NCBP1: variants seen among roughly 807,000 people sequenced by gnomAD.
NCBP1 encodes the protein nuclear cap-binding protein subunit 1.
A neutral mutation model predicts 111.7 loss-of-function variants in NCBP1; 16 were observed. The ratio of observed to expected loss-of-function variants is 0.14; its 90% confidence interval spans 0.10 to 0.22. The LOEUF is 0.22. Ranked by LOEUF, NCBP1 falls within the 10% of genes least tolerant of loss-of-function variation. The pLI, the probability that NCBP1 is intolerant of heterozygous loss-of-function variation, is 1.00. For missense variants in NCBP1, 607 were observed against 957.5 expected, an observed-to-expected ratio of 0.63 and a Z score of 4.83; for synonymous variants, 304 against 314.3, an observed-to-expected ratio of 0.97 and a Z score of 0.35.
At chr9:97,649,166 C>T (rs566612339) in intron 8 of NCBP1, among the ~76,000 whole-genome samples, 2 of 152,270 alleles carry the variant, frequency 1.3e-5, no homozygotes, top group African/African-American at 4.8e-5. Context: ...TTAGTCTAAG[C>T]TGACTTTATC....
chr9:97,663,403 G>A (rs1476441780), intron 18 of NCBP1, among the ~76,000 whole-genome samples: 1 of 152,134 alleles, frequency 6.6e-6, no homozygotes, highest in Non-Finnish European at 1.5e-5. Context: ...CAGTGAGTGT[G>A]TAATGATAAA....
chr9:97,638,662 A>T (rs1429267894), intron 1 of NCBP1, among the ~76,000 whole-genome samples: 2 of 152,234 alleles, frequency 1.3e-5, no homozygotes, highest in African/African-American at 4.8e-5. Flanking sequence ...TTTGGTTCTG[A>T]GGAGCTCTGC....
At chr9:97,649,329 C>A (rs1050940810) in intron 8 of NCBP1, among the ~76,000 whole-genome samples, 1 of 152,146 alleles carries the variant, frequency 6.6e-6, no homozygotes, top group Non-Finnish European at 1.5e-5. Flanking sequence ...TCCCTGATCT[C>A]TACCCTCTAA....
intron 14 of NCBP1, among the ~76,000 whole-genome samples, chr9:97,657,904 C>CTA (rs1390961024): frequency 4.3e-5 from 3 of 70,198 alleles, no homozygotes; most frequent in African/African-American, 1.8e-4. Context: ...CTCTCTCTCT[C>CTA]TCTATATATA....
At chr9:97,636,404 CTT>C (rs940981923) in intron 1 of NCBP1, among the ~76,000 whole-genome samples, 9 of 149,764 alleles carry the variant, frequency 6.0e-5, no homozygotes, top group African/African-American at 2.2e-4. Flanking sequence ...ACTGCCCTGA[CTT>C]TCCGTATGCT....
chr9:97,654,580 A>G (rs997114258), intron 11 of NCBP1, among the ~76,000 whole-genome samples: 1 of 147,184 alleles, frequency 6.8e-6, no homozygotes, highest in Non-Finnish European at 1.5e-5. Context: ...AAAAAAAAAG[A>G]AGCAATTTCT....
chr9:97,634,872 A>C (rs1278911149), intron 1 of NCBP1, among the ~76,000 whole-genome samples: 2 of 152,232 alleles, frequency 1.3e-5, no homozygotes, highest in Admixed American at 1.3e-4. Flanking sequence ...CCAGGTTATG[A>C]AATCTCCTTA....
chr9:97,671,300 ACTTC>A lies in NCBP1; in HGVS notation c.*102_*105del. 2.3e-6 allele frequency: 2 copies of A among 852,890 alleles called. No homozygotes were observed. Among genetic ancestry groups the A allele is most frequent in the Non-Finnish European group, 3.6e-6 (2 of 548,458 alleles). 52.8% of individuals were successfully genotyped at this position (852,890 alleles called of 1,614,324 possible). A position where few individuals can be genotyped will look rare whatever the true frequency, so the allele number is the denominator to read the frequency against. ...GCTTGCTTTCTTGTAGTATCCTTTC[ACTTC>A]TTAAAGGAAACAAAGGGGAAGAGGA... On this transcript the variant is annotated 3_prime_UTR_variant, in exon 23 of 23. Transcript: ENST00000375147.
intron 1 of NCBP1, among the ~76,000 whole-genome samples, chr9:97,640,011 A>G (rs1011048455): frequency 6.6e-6 from 1 of 152,196 alleles, no homozygotes; most frequent in African/African-American, 2.4e-5. Context: ...AATAAAAGCT[A>G]GTTAAAGCAG....
chr9:97,653,787 T>G lies in NCBP1; in HGVS notation c.1060-11T>G. On this transcript the variant is annotated splice_polypyrimidine_tract_variant and intron_variant, in intron 10 of 22. Coordinates refer to ENST00000375147, the MANE Select transcript of NCBP1 (RefSeq NM_002486.5). ...AGTTGGATTGAATTGTGACTCATGATTCTTTTGTAGGTGATCTTTGCAGAG... is the reference window on the plus strand; with the variant it reads ...AGTTGGATTGAATTGTGACTCATGAGTCTTTTGTAGGTGATCTTTGCAGAG... The G allele has an allele frequency of 6.2e-7, 1 of 1,605,244 alleles. No homozygotes were observed. Among genetic ancestry groups the G allele is most frequent in the Non-Finnish European group, 8.5e-7 (1 of 1,172,946 alleles).
At chr9:97,663,831 T>G (rs1205553757) in intron 18 of NCBP1, among the ~76,000 whole-genome samples, 4 of 151,936 alleles carry the variant, frequency 2.6e-5, no homozygotes, top group Admixed American at 2.6e-4. Context: ...TTTTGTTTAG[T>G]CAACCTGTTT....
chr9:97,662,906 T>A, intron 17 of NCBP1, 48 bp from the exon 18 acceptor site: 2 of 1,366,598 alleles, frequency 1.5e-6, no homozygotes, highest in Non-Finnish European at 2.0e-6. Context: ...CACTAAAATG[T>A]TTAATGAATA....
chr9:97,640,776 T>C lies in NCBP1; in HGVS notation c.35-18T>C, dbSNP rs202191580. On this transcript the variant is annotated intron_variant, in intron 1 of 22. Coordinates refer to ENST00000375147, the MANE Select transcript of NCBP1 (RefSeq NM_002486.5). ...CAGATTTATCATGTAATGTTAATTT[T>C]TTATGTTGCTGAAATAGGTGGGCAG... 2 of 1,583,054 alleles carry C rather than the reference T, an allele frequency of 1.3e-6. No individual in the cohort carries two copies. Among genetic ancestry groups the C allele is most frequent in the Admixed American group, 3.7e-5 (2 of 54,234 alleles).
rs918413016 is a variant in NCBP1, at chr9:97,657,201, C to T, written c.1373+1116C>T. 7.2e-5 allele frequency among the ~76,000 whole-genome samples: 11 copies of T among 152,222 alleles called. 1 individual carries two copies. In the East Asian group the frequency reaches 1.4e-3, roughly 19 times the overall value. Reference sequence around the variant, plus strand: ...TGGGATGATCTCGATCTCCTGACCTCGTGATCCGCCCGCCTCGGCCTCCCA... The same window carrying T: ...TGGGATGATCTCGATCTCCTGACCTTGTGATCCGCCCGCCTCGGCCTCCCA... On this transcript the variant is annotated intron_variant, in intron 14 of 22. Transcript: ENST00000375147.
chr9:97,639,280 T>G (rs1182143519), intron 1 of NCBP1, among the ~76,000 whole-genome samples: 1 of 152,174 alleles, frequency 6.6e-6, no homozygotes, highest in African/African-American at 2.4e-5. Flanking sequence ...CCTGTAACCT[T>G]TATAATACCC....
chr9:97,659,535 A>G (rs1232024275), intron 15 of NCBP1, among the ~76,000 whole-genome samples: 1 of 152,234 alleles, frequency 6.6e-6, no homozygotes, highest in South Asian at 2.1e-4. Context: ...AGATATGATT[A>G]TCAAAACTAC....
intron 15 of NCBP1, among the ~76,000 whole-genome samples, chr9:97,659,816 T>C (rs1233735444): frequency 6.6e-6 from 1 of 152,244 alleles, no homozygotes; most frequent in Non-Finnish European, 1.5e-5. Context: ...TAGGAATAAC[T>C]CCGCCTAACA....
chr9:97,652,042 C>T (rs145889060), intron 10 of NCBP1, among the ~76,000 whole-genome samples: 138 of 152,136 alleles, frequency 9.1e-4, no homozygotes, highest in African/African-American at 3.1e-3. Flanking sequence ...CTTGCTCTGT[C>T]GCCCAGGCTG....
rs2131373947 is a variant in NCBP1, at chr9:97,671,299, C to A, written c.*100C>A. 3 of 850,820 alleles carry A rather than the reference C, an allele frequency of 3.5e-6. No individual in the cohort carries two copies. The highest frequency in any genetic ancestry group is 5.5e-6 in the Non-Finnish European group (3 of 545,730). 52.7% of individuals were successfully genotyped at this position (850,820 alleles called of 1,614,324 possible). On this transcript the variant is annotated 3_prime_UTR_variant, in exon 23 of 23. Coordinates refer to ENST00000375147, the MANE Select transcript of NCBP1 (RefSeq NM_002486.5). ...TGCTTGCTTTCTTGTAGTATCCTTT[C>A]ACTTCTTAAAGGAAACAAAGGGGAA...
Sources: allele counts gnomAD v4.1 joint callset (sites outside exome capture counted in the v4.1 genomes callset), GRCh38; gene constraint gnomAD v4.1.1; transcripts MANE v1.5; gene names NCBI Gene and HGNC (gene_info 2026-07-23, HGNC 2026-07-21).